ABCA13: variants seen among roughly 807,000 people sequenced by gnomAD.
ABCA13 encodes ATP binding cassette subfamily A member 13, also known as ATP-binding cassette sub-family A member 13.
A neutral mutation model predicts 478.7 loss-of-function variants in ABCA13; 476 were observed. The observed-to-expected ratio is 0.99, with a 90% CI of 0.92 to 1.07. ABCA13 has a LOEUF of 1.07. Among genes scored for constraint, ABCA13 ranks in the 50% least tolerant of loss-of-function variants. ABCA13 has a pLI of 0.00. For missense variants in ABCA13, 6,060 were observed against 5,910.6 expected, an observed-to-expected ratio of 1.03 and a Z score of -0.83; for synonymous variants, 2,252 against 2,158.9, an observed-to-expected ratio of 1.04 and a Z score of -1.20.
intron 34 of ABCA13, among the ~76,000 whole-genome samples, chr7:48,375,200 C>T (rs567595088): frequency 6.6e-6 from 1 of 152,200 alleles, no homozygotes; most frequent in South Asian, 2.1e-4. Flanking sequence ...CATCCTGGAA[C>T]CATCCTCTAT....
At chr7:48,371,777 T>C (rs939178703) in intron 32 of ABCA13, among the ~76,000 whole-genome samples, 2 of 152,156 alleles carry the variant, frequency 1.3e-5, no homozygotes, top group Non-Finnish European at 2.9e-5. Flanking sequence ...GAATACGCTT[T>C]ATTTCTTTCT....
At chr7:48,401,464 T>C (rs1327985454) in intron 38 of ABCA13, among the ~76,000 whole-genome samples, 1 of 152,192 alleles carries the variant, frequency 6.6e-6, no homozygotes, top group Non-Finnish European at 1.5e-5. Flanking sequence ...CCATAGCATG[T>C]TGATTATACT....
chr7:48,533,899 A>T (rs944954031), intron 55 of ABCA13, among the ~76,000 whole-genome samples: 1 of 151,936 alleles, frequency 6.6e-6, no homozygotes, highest in Non-Finnish European at 1.5e-5. Context: ...TATGTGTTAG[A>T]TGAGTCTCCT....
At chr7:48,453,075 A>G (rs1825238748) in intron 42 of ABCA13, among the ~76,000 whole-genome samples, 1 of 152,216 alleles carries the variant, frequency 6.6e-6, no homozygotes. Context: ...TAGCAATATA[A>G]TCTGTCTATA....
intron 34 of ABCA13, 54 bp downstream of exon 34, chr7:48,374,470 T>G (rs1813146200): frequency 6.8e-7 from 1 of 1,470,538 alleles, no homozygotes; most frequent in South Asian, 1.2e-5. Flanking sequence ...TTTTTGGAAA[T>G]TAATAGTTAT....
intron 59 of ABCA13, among the ~76,000 whole-genome samples, chr7:48,628,519 T>C (rs1317152825): frequency 6.6e-6 from 1 of 152,232 alleles, no homozygotes; most frequent in Middle Eastern, 3.2e-3. Flanking sequence ...ATGCTTTTTC[T>C]ACTCTGGCTG....
intron 35 of ABCA13, among the ~76,000 whole-genome samples, chr7:48,385,752 T>C (rs1041693592): frequency 6.6e-6 from 1 of 152,212 alleles, no homozygotes; most frequent in African/African-American, 2.4e-5. Context: ...TCCACAATAG[T>C]TGAACTAATT....
intron 55 of ABCA13, among the ~76,000 whole-genome samples, chr7:48,529,407 C>T (rs76076090): frequency 0.01 from 1,544 of 152,224 alleles, 32 homozygotes; most frequent in African/African-American, 0.035. Context: ...AGGCCCCAGG[C>T]ATCTATCTTT....
At chr7:48,285,521 G>C (rs948878514) in intron 19 of ABCA13, among the ~76,000 whole-genome samples, 1 of 152,210 alleles carries the variant, frequency 6.6e-6, no homozygotes, top group African/African-American at 2.4e-5. Flanking sequence ...ATGGAGGCCA[G>C]ATGGCCTGAC....
intron 59 of ABCA13, among the ~76,000 whole-genome samples, chr7:48,630,856 G>A (rs1437551085): frequency 1.3e-5 from 2 of 149,836 alleles, no homozygotes; most frequent in South Asian, 2.1e-4. Context: ...ATCCTGACTC[G>A]TGTGAAATAG....
At chr7:48,585,567 A>T (rs1789100410) in intron 56 of ABCA13, among the ~76,000 whole-genome samples, 1 of 152,174 alleles carries the variant, frequency 6.6e-6, no homozygotes, top group Non-Finnish European at 1.5e-5. Flanking sequence ...GGGCATAATG[A>T]TTATCCTAAT....
At chr7:48,404,579 C>G (rs941850468) in intron 39 of ABCA13, 3 of 152,302 alleles carry the variant, frequency 2.0e-5, no homozygotes, top group African/African-American at 7.2e-5. Context: ...TTTCTTTTGC[C>G]TTTTGAGTAT....
In ABCA13 at chr7:48,279,162, G is replaced by A. The variant is rs187797177; in HGVS notation, c.7968G>A (p.Ala2656=). Residue 2656 remains alanine (A), a synonymous_variant, in exon 18 of 62, where the codon GCG becomes GCA. Transcript: ENST00000435803. The part of the protein sequence containing the change: ...KMNLEDMRSL[A]VAFNNETQTF... Reference sequence around the variant, plus strand: ...ACTTGGAAGATATGAGGAGTCTTGCGGTAGCATTTAACAATGAGACTCAAA... The same window carrying A: ...ACTTGGAAGATATGAGGAGTCTTGCAGTAGCATTTAACAATGAGACTCAAA... 130 of 1,602,638 alleles carry A rather than the reference G, an allele frequency of 8.1e-5. No individual in the cohort carries two copies. In the East Asian group the frequency reaches 1.4e-3, roughly 17 times the overall value.
intron 42 of ABCA13, among the ~76,000 whole-genome samples, chr7:48,450,497 A>G (rs1182737332): frequency 6.6e-6 from 1 of 152,204 alleles, no homozygotes; most frequent in African/African-American, 2.4e-5. Context: ...ATTTTATCAA[A>G]TGGCATGTAG....
In ABCA13 at chr7:48,311,797, G is replaced by T. The variant is rs575267547; in HGVS notation, c.9517-1270G>T. On this transcript the variant is annotated intron_variant, in intron 24 of 61. Coordinates refer to ENST00000435803, the MANE Select transcript of ABCA13 (RefSeq NM_152701.5). ...AGCCCGACCTCCATGTGAGGGCCAC[G>T]TGCAGGTGCAGCTCATTCCCAAGTC... Among the ~76,000 whole-genome samples the T allele has an allele frequency of 2.0e-5, 3 of 152,284 alleles. No homozygotes were observed. In the East Asian group the frequency reaches 5.8e-4, roughly 29 times the overall value.
chr7:48,597,578 C>A (rs1320298790), intron 58 of ABCA13, among the ~76,000 whole-genome samples: 1 of 152,182 alleles, frequency 6.6e-6, no homozygotes, highest in Non-Finnish European at 1.5e-5. Flanking sequence ...TTCCCAGCAA[C>A]AATGATGAGT....
At chr7:48,174,974 G>C (rs1365247529) in intron 1 of ABCA13, among the ~76,000 whole-genome samples, 1 of 152,136 alleles carries the variant, frequency 6.6e-6, no homozygotes, top group Non-Finnish European at 1.5e-5. Flanking sequence ...ACCTTCTCCT[G>C]GATCATTTCT....
intron 32 of ABCA13, among the ~76,000 whole-genome samples, chr7:48,368,225 T>G (rs1811994893): frequency 6.6e-6 from 1 of 152,212 alleles, no homozygotes; most frequent in African/African-American, 2.4e-5. Flanking sequence ...ACTTCCCATC[T>G]TAATTTATGC....
chr7:48,276,248 G>A lies in ABCA13; in HGVS notation c.6582G>A (p.Gln2194=), dbSNP rs1349479892. Residue 2194 remains glutamine (Q), a synonymous_variant, in exon 17 of 62, where the codon CAG becomes CAA. Transcript: ENST00000435803. Reference sequence around the variant, plus strand: ...TTACCCATCTGCTAAATCAAGAACAGCTGACTAATTTCTCAGTTGTTCAGC... The same window carrying A: ...TTACCCATCTGCTAAATCAAGAACAACTGACTAATTTCTCAGTTGTTCAGC... ...AFLTHLLNQE[Q]LTNFSVVQLL... 1.3e-6 allele frequency: 2 copies of A among 1,573,188 alleles called. No homozygotes were observed. Among genetic ancestry groups the A allele is most frequent in the Middle Eastern group, 1.8e-4 (1 of 5,686 alleles).
Sources: allele counts gnomAD v4.1 joint callset (sites outside exome capture counted in the v4.1 genomes callset), GRCh38; gene constraint gnomAD v4.1.1; transcripts MANE v1.5; gene names NCBI Gene and HGNC (gene_info 2026-07-23, HGNC 2026-07-21).